ABCA10: variants seen among roughly 807,000 people sequenced by gnomAD.
The protein encoded by ABCA10 is ATP-binding cassette sub-family A member 10.
ABCA10 carries 169 observed loss-of-function variants against 187.5 expected under a neutral mutation model. That is an observed-to-expected ratio of 0.90 (90% CI 0.80 to 1.02). The LOEUF (loss-of-function observed/expected upper bound fraction) is 1.02, where lower values mean the gene tolerates loss of function less well. Among genes scored for constraint, ABCA10 ranks in the 50% least tolerant of loss-of-function variants. ABCA10 has a pLI of 0.00. For synonymous variants in ABCA10, 574 were observed against 601.8 expected (o/e 0.95, Z 0.68); for missense variants, 1,727 against 1,812.4 (o/e 0.95, Z 0.86).
Position 69,191,165 on chromosome 17 carries a change from C to T in ABCA10, c.2011+11G>A. ...CTTACATATATTCTATGTGATTACA[C>T]AGTAAGTTACCTGGAAATTTGTTCG... On this transcript the variant is annotated intron_variant, in intron 17 of 38. Transcript: ENST00000690296. 6.3e-7 allele frequency: 1 copy of T among 1,582,292 alleles called. No homozygotes were observed.
rs558292866 is a variant in ABCA10 at position 69,212,606 on chromosome 17, G to A, written c.1006+2098C>T. 2.6e-5 allele frequency among the ~76,000 whole-genome samples: 4 copies of A among 152,236 alleles called. No individual in the cohort carries two copies. In the South Asian group the frequency reaches 8.3e-4, roughly 32 times the overall value. ...TGTTGCCATTTATCTCATTTCTTAG[G>A]TCTAGTAGTAATTGCTTTTATAAAT... On this transcript the variant is annotated intron_variant, in intron 9 of 38. Transcript: ENST00000690296.
chr17:69,176,468 G>T (rs2074334683), intron 22 of ABCA10, among the ~76,000 whole-genome samples: 1 of 152,016 alleles, frequency 6.6e-6, no homozygotes, highest in Non-Finnish European at 1.5e-5. Context: ...ATAAATGCAG[G>T]TGCAGGTGGA....
At chr17:69,150,959 G>C (rs138928830) in intron 36 of ABCA10, among the ~76,000 whole-genome samples, 60 of 152,274 alleles carry the variant, frequency 3.9e-4, no homozygotes, top group African/African-American at 1.4e-3. Flanking sequence ...TCTCAAAGCT[G>C]AGAGCTCCTG....
intron 37 of ABCA10, 68 bp from the exon 38 acceptor site, chr17:69,149,156 TAG>T: frequency 6.6e-7 from 1 of 1,524,928 alleles, no homozygotes; most frequent in Non-Finnish European, 9.1e-7. Flanking sequence ...AGTCATACAA[TAG>T]AGACAGTAGC....
chr17:69,193,241 A>C lies in ABCA10; in HGVS notation c.1649T>G (p.Leu550Arg), dbSNP rs1427338443. 4.3e-6 allele frequency: 7 copies of C among 1,612,852 alleles called. No individual in the cohort carries two copies. The highest frequency in any genetic ancestry group is 4.2e-6 in the Non-Finnish European group (5 of 1,179,662). ...IAILGDPQVL[L>R]LDEPTAGLDP... is the part of the protein sequence containing the mutation. ...CAATCCAGCAGTTGGTTCATCTAGC[A>C]GCAAAACCTACAGAGGAGGAAACGT... The change falls in exon 15 of 39, where the codon CTG becomes CGG. Residue 550 changes from leucine (L) to arginine (R), a missense_variant. Physicochemically the swap from Leu to Arg is moderately radical, Grantham distance 102. Transcript: ENST00000690296.
At chr17:69,192,738 A>T in intron 15 of ABCA10, 85 bp from the exon 16 acceptor site, 1 of 1,182,250 alleles carries the variant, frequency 8.5e-7, no homozygotes, top group East Asian at 2.4e-5. Context: ...TAAAACACTG[A>T]ATGAAATTTG....
Position 69,182,220 on chromosome 17 carries a change from C to T in ABCA10, c.2702G>A (p.Ser901Asn), listed in dbSNP as rs2074384988. 3 of 1,599,964 alleles carry T rather than the reference C, an allele frequency of 1.9e-6. No individual in the cohort carries two copies. In the East Asian group the frequency reaches 6.8e-5, roughly 36 times the overall value. Residue 901 changes from serine to asparagine, a missense_variant, in exon 22 of 39, where the codon AGC becomes AAC. Physicochemically the swap from Ser to Asn is conservative, Grantham distance 46 (BLOSUM62 1). Coordinates refer to ENST00000690296, the MANE Select transcript of ABCA10 (RefSeq NM_001377321.1). ...NCFPVLMGIV[S>N]NALMGIFNFT... ...GTTAAAAATTCCCATAAGGGCATTG[C>T]TAACAATTCCCATAAGAACAGGAAA...
intron 27 of ABCA10, among the ~76,000 whole-genome samples, chr17:69,160,207 G>T (rs763864126): frequency 1.3e-5 from 2 of 152,094 alleles, no homozygotes; most frequent in Non-Finnish European, 2.9e-5. Flanking sequence ...CAGAATACAA[G>T]AAAACATTTT....
chr17:69,216,142 C>T, intron 7 of ABCA10, 75 bp downstream of exon 7: 1 of 1,547,646 alleles, frequency 6.5e-7, no homozygotes, highest in Admixed American at 2.0e-5. Context: ...ACACTAATAT[C>T]CCAAAGAAAC....
chr17:69,187,559 A>G, intron 19 of ABCA10, 122 bp downstream of exon 19: 1 of 1,048,970 alleles, frequency 9.5e-7, no homozygotes, highest in Non-Finnish European at 1.3e-6. Flanking sequence ...CAGTAACAGC[A>G]GGATAGGTAA....
chr17:69,168,042 AG>A (rs1183897640), intron 25 of ABCA10, among the ~76,000 whole-genome samples: 1 of 152,164 alleles, frequency 6.6e-6, no homozygotes, highest in Non-Finnish European at 1.5e-5. Flanking sequence ...ACAAGAATGA[AG>A]ACCAAGAATG....
intron 3 of ABCA10, among the ~76,000 whole-genome samples, chr17:69,224,747 C>G (rs564998907): frequency 1.3e-5 from 2 of 149,662 alleles, no homozygotes; most frequent in Admixed American, 6.7e-5. Context: ...TGTTGACTTT[C>G]AGTAGCCAAT....
In ABCA10 at chr17:69,222,431, T is replaced by C. The variant is rs1598125230; in HGVS notation, c.199+102A>G. The stretch of plus-strand genomic sequence containing the variant: ...GATTAAGTTCAGAGGGAAATGTATA[T>C]TAATTCTTTACTTGGTTGTATTAAT... On this transcript the variant is annotated intron_variant, in intron 4 of 38. Transcript: ENST00000690296. The C allele has an allele frequency of 6.9e-6, 7 of 1,009,158 alleles. No individual in the cohort carries two copies. In the East Asian group the frequency reaches 2.0e-4, roughly 28 times the overall value. 62.5% of individuals were successfully genotyped at this position (1,009,158 alleles called of 1,614,324 possible).
intron 19 of ABCA10, among the ~76,000 whole-genome samples, 170 bp downstream of exon 19, chr17:69,187,511 T>C (rs1053013793): frequency 2.0e-5 from 3 of 152,152 alleles, no homozygotes; most frequent in South Asian, 2.1e-4. Context: ...TGTCACAGTA[T>C]TGGCTTCTAG....
chr17:69,149,873 TCAAG>T, intron 37 of ABCA10, 107 bp downstream of exon 37: 1 of 834,490 alleles, frequency 1.2e-6, no homozygotes, highest in African/African-American at 1.7e-5. Flanking sequence ...TAGGGATTTT[TCAAG>T]TTTTGATTGA....
At chr17:69,189,680 T>C (rs1437801932) in intron 18 of ABCA10, among the ~76,000 whole-genome samples, 1 of 152,192 alleles carries the variant, frequency 6.6e-6, no homozygotes, top group African/African-American at 2.4e-5. Flanking sequence ...ATTTAATCCA[T>C]CTTGAGTTTA....
intron 18 of ABCA10, among the ~76,000 whole-genome samples, chr17:69,188,988 T>A (rs2074441192): frequency 1.3e-5 from 2 of 152,240 alleles, no homozygotes; most frequent in South Asian, 4.1e-4. Context: ...AGTGCTGCAA[T>A]GAACGTATCT....
chr17:69,201,577 A>T lies in ABCA10; in HGVS notation c.1098T>A (p.Asn366Lys). The change falls in exon 10 of 39, where the codon AAT (asparagine) becomes AAA (lysine). Residue 366 changes from asparagine (N) to lysine (K), a missense_variant. Asn to Lys is a moderately conservative substitution (Grantham distance 94). Transcript: ENST00000690296. The stretch of plus-strand genomic sequence containing the variant: ...CAGAGGAATGCTCAGGATTTATTTC[A>T]TTCTCAAAGATTTCATGATGAGTAT... ...HQNTHHEIFENEINPEHSSDD... is the reference protein window; with the variant it reads ...HQNTHHEIFEKEINPEHSSDD... The T allele has an allele frequency of 6.2e-7, 1 of 1,612,938 alleles. No individual in the cohort carries two copies. Among genetic ancestry groups the T allele is most frequent in the East Asian group, 2.2e-5 (1 of 44,788 alleles).
At chr17:69,201,250 T>A (rs1488564344) in intron 10 of ABCA10, among the ~76,000 whole-genome samples, 1 of 151,176 alleles carries the variant, frequency 6.6e-6, no homozygotes, top group Non-Finnish European at 1.5e-5. Flanking sequence ...AGAGAGGGAG[T>A]ATAAGTAGTG....
Sources: allele counts gnomAD v4.1 joint callset (sites outside exome capture counted in the v4.1 genomes callset), GRCh38; gene constraint gnomAD v4.1.1; transcripts MANE v1.5; gene names NCBI Gene and HGNC (gene_info 2026-07-23, HGNC 2026-07-21).